KIAA0753: variants seen among roughly 807,000 people sequenced by gnomAD.
KIAA0753 encodes the protein KIAA0753.
KIAA0753 carries 114 observed loss-of-function variants against 116.9 expected under a neutral mutation model. The ratio of observed to expected loss-of-function variants is 0.98; its 90% CI spans 0.84 to 1.14. The LOEUF (loss-of-function observed/expected upper bound fraction) is 1.14. Among genes scored for constraint, KIAA0753 ranks in the 50% most tolerant of loss-of-function variants. The pLI, the probability that KIAA0753 is intolerant of heterozygous loss-of-function variation, is 0.00. For synonymous variants in KIAA0753, 405 were observed against 413.1 expected (o/e 0.98, Z 0.24); for missense variants, 1,156 against 1,172.4 (o/e 0.99, Z 0.20).
intron 1 of KIAA0753, 111 bp downstream of exon 1, chr17:6,640,526 G>A (rs939197609): frequency 2.0e-5 from 3 of 151,808 alleles, no homozygotes; most frequent in African/African-American, 7.3e-5. Flanking sequence ...GGCAGAAAAG[G>A]TAACTGGGGG....
chr17:6,619,264 T>C (rs1971139313), intron 7 of KIAA0753, among the ~76,000 whole-genome samples: 1 of 151,834 alleles, frequency 6.6e-6, no homozygotes, highest in Non-Finnish European at 1.5e-5. Context: ...CTGGGGAAGA[T>C]GAAGAAGATA....
intron 7 of KIAA0753, among the ~76,000 whole-genome samples, chr17:6,618,832 T>C (rs1011306320): frequency 3.3e-5 from 5 of 152,126 alleles, no homozygotes; most frequent in Non-Finnish European, 5.9e-5. Flanking sequence ...AGAAAAAAAC[T>C]TCGGCAAATG....
Position 6,589,911 on chromosome 17 carries a change from C to G in KIAA0753, c.2654G>C (p.Gly885Ala). 1 of 1,613,280 alleles carries G rather than the reference C, an allele frequency of 6.2e-7. No homozygotes were observed. Among genetic ancestry groups the G allele is most frequent in the Non-Finnish European group, 8.5e-7 (1 of 1,179,750 alleles). ...CGGTGGGACAAAGAGGGGAGCTCGG[C>G]CTTCTTTCTGTTGAGAATCTTCGGC... is the stretch of plus-strand genomic sequence containing the variant. ...SLAEDSQQKE[G>A]RAPLFVPPGM... Residue 885 changes from glycine (G) to alanine (A), a missense_variant, in exon 18 of 19, where the codon GGC becomes GCC. Transcript: ENST00000361413.
rs1298275435 is a variant in KIAA0753, at chr17:6,595,662, C to T, written c.2358+496G>A. On this transcript the variant is annotated intron_variant, in intron 15 of 18. Coordinates refer to ENST00000361413, the MANE Select transcript of KIAA0753 (RefSeq NM_014804.3). Reference sequence around the variant, plus strand: ...TGACCTTGGCCATGTCACTTACTTCCTTATTGTACCTCATTTTCCTGCACT... The same window carrying T: ...TGACCTTGGCCATGTCACTTACTTCTTTATTGTACCTCATTTTCCTGCACT... Among the ~76,000 whole-genome samples the T allele has an allele frequency of 4.6e-5, 7 of 152,328 alleles. No homozygotes were observed. In the South Asian group the frequency reaches 1.0e-3, roughly 23 times the overall value.
Position 6,579,605 on chromosome 17 carries a change from C to A in KIAA0753, c.*142G>T, listed in dbSNP as rs1967990695. On this transcript the variant is annotated 3_prime_UTR_variant, in exon 19 of 19. Transcript: ENST00000361413. ...GAAAATGCAAAGTGAGGATGACCTC[C>A]CCGGCACTGCCTTCCTTTCAGTGGG... is the stretch of plus-strand genomic sequence containing the variant. 19 of 666,096 alleles carry A rather than the reference C, an allele frequency of 2.9e-5. No homozygotes were observed. In the South Asian group the frequency reaches 3.0e-4, roughly 11 times the overall value. The allele number at this position is 666,096 out of a possible 1,614,324, so 41.3% of individuals were successfully genotyped here. A position where few individuals can be genotyped will look rare whatever the true frequency, so the allele number is the denominator to read the frequency against.
chr17:6,578,998 C>T lies in KIAA0753; in HGVS notation c.*749G>A, dbSNP rs1269707060. The T allele has an allele frequency of 6.6e-6, 1 of 151,894 alleles. No individual in the cohort carries two copies. The highest frequency in any genetic ancestry group is 1.9e-4 in the East Asian group (1 of 5,202). 9.4% of individuals were successfully genotyped at this position (151,894 alleles called of 1,614,324 possible). A position where few individuals can be genotyped will look rare whatever the true frequency, so the allele number is the denominator to read the frequency against. ...CGAGGTCTGTACCTTCACCCAGGCA[C>T]AGGAGAAGGCCTGGTCCTCTCCTGA... is the stretch of plus-strand genomic sequence containing the variant. On this transcript the variant is annotated 3_prime_UTR_variant, in exon 19 of 19. Transcript: ENST00000361413.
rs1170155114 is a variant in KIAA0753, at chr17:6,595,040, G to A, written c.2372C>T (p.Ser791Phe). 7 of 1,605,204 alleles carry A rather than the reference G, an allele frequency of 4.4e-6. No homozygotes were observed. The highest frequency in any genetic ancestry group is 5.1e-6 in the Non-Finnish European group (6 of 1,174,660). ...RMEEMEKYQE[S>F]VRQRYNKIAY... ...GATTTTATTATATCTTTGACGAACA[G>A]ACTCCTGGTATTTCTTTAAAAAAAA... is the stretch of plus-strand genomic sequence containing the variant. The change falls in exon 16 of 19, where the codon TCT becomes TTT. Residue 791 changes from serine to phenylalanine, a missense_variant. Transcript: ENST00000361413.
At chr17:6,604,697 G>A (rs60849993) in intron 12 of KIAA0753, among the ~76,000 whole-genome samples, 29,193 of 151,672 alleles carry the variant, frequency 0.19, 3,018 homozygotes, top group East Asian at 0.38. Context: ...CCTTGGGGGT[G>A]GGAAGGTTCT....
intron 18 of KIAA0753, among the ~76,000 whole-genome samples, chr17:6,587,109 G>T (rs1219211080): frequency 6.6e-6 from 1 of 152,144 alleles, no homozygotes; most frequent in Non-Finnish European, 1.5e-5. Context: ...GCCAGTACCT[G>T]TAATCCTAGC....
At chr17:6,616,064 A>T (rs1333638112) in intron 7 of KIAA0753, among the ~76,000 whole-genome samples, 1 of 152,184 alleles carries the variant, frequency 6.6e-6, no homozygotes, top group Non-Finnish European at 1.5e-5. Context: ...GATACCTAAA[A>T]CAGAAACAGG....
chr17:6,593,710 C>A (rs1457151876), intron 16 of KIAA0753, among the ~76,000 whole-genome samples: 3 of 152,214 alleles, frequency 2.0e-5, no homozygotes, highest in African/African-American at 7.2e-5. Context: ...CATGGCAAAA[C>A]CCTGTCTCTA....
At chr17:6,604,652 G>A (rs1274539503) in intron 12 of KIAA0753, among the ~76,000 whole-genome samples, 1 of 151,904 alleles carries the variant, frequency 6.6e-6, no homozygotes, top group Non-Finnish European at 1.5e-5. Flanking sequence ...AGTGAATGGG[G>A]GCAGGAGAGA....
intron 5 of KIAA0753, 32 bp downstream of exon 5, chr17:6,623,477 C>G: frequency 6.6e-7 from 1 of 1,511,534 alleles, no homozygotes. Flanking sequence ...CATTTATAAG[C>G]AAGTATTGAT....
At chr17:6,621,141 G>T in intron 6 of KIAA0753, 143 bp from the exon 7 acceptor site, 1 of 728,402 alleles carries the variant, frequency 1.4e-6, no homozygotes, top group Non-Finnish European at 2.2e-6. Flanking sequence ...ATTAAAACAT[G>T]TTATTATTTA....
At chr17:6,600,293 T>A in intron 13 of KIAA0753, 87 bp downstream of exon 13, 2 of 1,003,490 alleles carry the variant, frequency 2.0e-6, no homozygotes. Context: ...CTTAGCCCTA[T>A]AAAGGATCAA....
chr17:6,580,173 G>A (rs1184465935), intron 18 of KIAA0753, among the ~76,000 whole-genome samples: 1 of 151,724 alleles, frequency 6.6e-6, no homozygotes, highest in Non-Finnish European at 1.5e-5. Flanking sequence ...GCAACAGAGT[G>A]AGATTCCGTC....
chr17:6,609,389 A>T (rs962020594), intron 9 of KIAA0753, among the ~76,000 whole-genome samples: 1 of 152,292 alleles, frequency 6.6e-6, no homozygotes, highest in Non-Finnish European at 1.5e-5. Flanking sequence ...ATTTCCACCT[A>T]ACTGGACCCT....
chr17:6,634,931 A>C (rs1307659130), intron 2 of KIAA0753, 80 bp downstream of exon 2: 8 of 926,002 alleles, frequency 8.6e-6, no homozygotes, highest in Non-Finnish European at 1.4e-5. Flanking sequence ...GGTGATTTCA[A>C]AAGTGTTCAC....
chr17:6,593,089 C>T (rs1969191285), intron 16 of KIAA0753, among the ~76,000 whole-genome samples: 2 of 151,950 alleles, frequency 1.3e-5, no homozygotes, highest in Non-Finnish European at 2.9e-5. Flanking sequence ...TTTAGAAAAA[C>T]AACAAAACAA....
Sources: allele counts gnomAD v4.1 joint callset (sites outside exome capture counted in the v4.1 genomes callset), GRCh38; gene constraint gnomAD v4.1.1; transcripts MANE v1.5; gene names NCBI Gene and HGNC (gene_info 2026-07-23, HGNC 2026-07-21).